Variants in NKD1 observed in about 807,000 individuals in gnomAD.
NKD1 encodes NKD inhibitor of Wnt signaling pathway 1, also known as protein naked cuticle homolog 1.
A neutral mutation model predicts 56.0 loss-of-function variants in NKD1; 21 were observed. The observed-to-expected ratio is 0.38, with a 90% CI of 0.27 to 0.54. NKD1 has a LOEUF of 0.54. Among genes scored for constraint, NKD1 ranks in the 20% least tolerant of loss-of-function variants. The pLI is 0.82. For missense variants in NKD1, 578 were observed against 642.7 expected (o/e 0.90, Z 1.09); for synonymous variants, 263 against 265.7 (o/e 0.99, Z 0.10).
chr16:50,548,752 A>C lies in NKD1; in HGVS notation c.58+3A>C. ...CAAGCGCAGGGAGAGCCCGGAAGGT[A>C]GGGGCGCGCGGGGCGCAGACCTCGG... On this transcript the variant is annotated splice_donor_region_variant and intron_variant, in intron 2 of 9. Transcript: ENST00000268459. 1 of 1,420,184 alleles carries C rather than the reference A, an allele frequency of 7.0e-7. No individual in the cohort carries two copies. Among genetic ancestry groups the C allele is most frequent in the South Asian group, 1.5e-5 (1 of 67,458 alleles). The allele number at this position is 1,420,184 out of a possible 1,614,324, so 88.0% of individuals were successfully genotyped here.
intron 3 of NKD1, among the ~76,000 whole-genome samples, chr16:50,576,204 C>A (rs1311398457): frequency 6.6e-6 from 1 of 152,166 alleles, no homozygotes; most frequent in South Asian, 2.1e-4. Context: ...CCTGAACAGG[C>A]CCTGGTCAGA....
chr16:50,589,248 A>G (rs1961296286), intron 3 of NKD1, among the ~76,000 whole-genome samples: 1 of 152,148 alleles, frequency 6.6e-6, no homozygotes, highest in Non-Finnish European at 1.5e-5. Flanking sequence ...ACTATTTCTC[A>G]TAGAACATTT....
Position 50,568,434 on chromosome 16 carries a change from T to C in NKD1, c.192+18879T>C, listed in dbSNP as rs1312595858. ...CCCAGCCATGTGATTCTGTCATTTCTTGTTGTAAACTGGGGATAACAGCAG... is the reference window on the plus strand; with the variant it reads ...CCCAGCCATGTGATTCTGTCATTTCCTGTTGTAAACTGGGGATAACAGCAG... On this transcript the variant is annotated intron_variant, in intron 3 of 9. Coordinates refer to ENST00000268459, the MANE Select transcript of NKD1 (RefSeq NM_033119.5). Among the ~76,000 whole-genome samples, 3 of 152,242 alleles carry C rather than the reference T, an allele frequency of 2.0e-5. No individual in the cohort carries two copies. In the East Asian group the frequency reaches 5.8e-4, roughly 29 times the overall value.
chr16:50,548,693 C>T, intron 1 of NKD1, 24 bp from the exon 2 acceptor site: 1 of 1,465,632 alleles, frequency 6.8e-7, no homozygotes, highest in Non-Finnish European at 9.0e-7. Flanking sequence ...CCGCCGCCGC[C>T]GCCGCCTCGC....
intron 3 of NKD1, among the ~76,000 whole-genome samples, chr16:50,605,735 C>T (rs1961692796): frequency 6.6e-6 from 1 of 152,184 alleles, no homozygotes; most frequent in Admixed American, 6.5e-5. Context: ...TGAGCATCTA[C>T]AGATTTTGAT....
intron 3 of NKD1, chr16:50,558,565 G>T: frequency 6.6e-6 from 1 of 152,384 alleles, no homozygotes. Flanking sequence ...AGTCTGGTGG[G>T]AGAGCAATGT....
intron 8 of NKD1, among the ~76,000 whole-genome samples, chr16:50,631,322 C>T (rs1962339566): frequency 6.6e-6 from 1 of 152,108 alleles, no homozygotes; most frequent in Non-Finnish European, 1.5e-5. Flanking sequence ...TTTTGGACTT[C>T]AGAATGGTGG....
Position 50,623,144 on chromosome 16 carries a change from A to T in NKD1, c.366+1436A>T, listed in dbSNP as rs1010471043. ...TGAAGTGCCGGCGTGCTGTGTGGAG[A>T]GAGTGAGTGGCGTGATGTGGCCTGT... On this transcript the variant is annotated intron_variant, in intron 5 of 9. Coordinates refer to ENST00000268459, the MANE Select transcript of NKD1 (RefSeq NM_033119.5). The surrounding 1 kb of genome is among the most constrained non-coding windows in gnomAD (Gnocchi z 4.1). 1.3e-5 allele frequency among the ~76,000 whole-genome samples: 2 copies of T among 151,904 alleles called. No homozygotes were observed. Among genetic ancestry groups the T allele is most frequent in the East Asian group, 1.9e-4 (1 of 5,142 alleles).
intron 3 of NKD1, among the ~76,000 whole-genome samples, chr16:50,568,740 A>G (rs1258171985): frequency 6.6e-6 from 1 of 151,962 alleles, no homozygotes; most frequent in Admixed American, 6.6e-5. Flanking sequence ...CTGTACATGG[A>G]AGGGACTGTT....
chr16:50,638,254 A>T lies in NKD1; in HGVS notation c.*4473A>T, dbSNP rs74017757. 960 of 152,214 alleles carry T rather than the reference A, an allele frequency of 6.3e-3. 7 individuals carry two copies. The highest frequency in any genetic ancestry group is 0.022 in the African/African-American group (907 of 41,484). 9.4% of individuals were successfully genotyped at this position (152,214 alleles called of 1,614,324 possible). A position where few individuals can be genotyped will look rare whatever the true frequency, so the allele number is the denominator to read the frequency against. ...AGGGGACCCCTGAGAGGTGCTCAGT[A>T]CCAGCAGGCTGTGAATGCTCTCTAC... On this transcript the variant is annotated 3_prime_UTR_variant, in exon 10 of 10. Coordinates refer to ENST00000268459, the MANE Select transcript of NKD1 (RefSeq NM_033119.5).
chr16:50,633,248 C>A lies in NKD1; in HGVS notation c.880C>A (p.Arg294=). The A allele has an allele frequency of 6.2e-7, 1 of 1,613,968 alleles. No homozygotes were observed. The highest frequency in any genetic ancestry group is 8.5e-7 in the Non-Finnish European group (1 of 1,179,908). ...ELPPRTSNPT[R]SRSHEPEAIH... is the part of the protein sequence containing the mutation. ...GCCCCCCCGCACCTCCAATCCCACT[C>A]GATCTCGCTCCCATGAGCCGGAAGC... The change falls in exon 10 of 10, where the codon CGA becomes AGA. Residue 294 remains arginine, a synonymous_variant. Transcript: ENST00000268459. This position sits in a 1 kb window ranked among gnomAD's most constrained non-coding sequence, Gnocchi z 4.9.
In NKD1 at chr16:50,636,655, TGA is replaced by T. The variant is rs1369575314; in HGVS notation, c.*2878_*2879del. On this transcript the variant is annotated 3_prime_UTR_variant, in exon 10 of 10. Coordinates refer to ENST00000268459, the MANE Select transcript of NKD1 (RefSeq NM_033119.5). ...TTCTCCTTTATAAAGGCAGGGATCA[TGA>T]GAGTGCCTGTCCCTTGTGAGCACTA... 1 of 152,260 alleles carries T rather than the reference TGA, an allele frequency of 6.6e-6. No individual in the cohort carries two copies. The highest frequency in any genetic ancestry group is 1.5e-5 in the Non-Finnish European group (1 of 68,038). 9.4% of individuals were successfully genotyped at this position (152,260 alleles called of 1,614,324 possible).
rs775245370 is a variant in NKD1, at chr16:50,608,349, T to G, written c.248T>G (p.Phe83Cys). 2 of 1,612,602 alleles carry G rather than the reference T, an allele frequency of 1.2e-6. No individual in the cohort carries two copies. Among genetic ancestry groups the G allele is most frequent in the Non-Finnish European group, 1.7e-6 (2 of 1,179,076 alleles). Reference sequence around the variant, plus strand: ...CTCAGCGAGGAAGAGGAGGACGACTTTCGGCTGGAAGGTATTCGGAGTCCA... The same window carrying G: ...CTCAGCGAGGAAGAGGAGGACGACTGTCGGCTGGAAGGTATTCGGAGTCCA... ...DTLSEEEEDDFRLEVALPPEK... is the reference protein window; with the variant it reads ...DTLSEEEEDDCRLEVALPPEK... The change falls in exon 4 of 10, where the codon TTT (phenylalanine) becomes TGT (cysteine). Residue 83 changes from phenylalanine (F) to cysteine (C), a missense_variant. By Grantham distance (205) the Phe-to-Cys change is radical. Coordinates refer to ENST00000268459, the MANE Select transcript of NKD1 (RefSeq NM_033119.5).
At chr16:50,620,502 G>C (rs1024025695) in intron 4 of NKD1, among the ~76,000 whole-genome samples, 3 of 152,178 alleles carry the variant, frequency 2.0e-5, no homozygotes, top group Non-Finnish European at 4.4e-5. Context: ...GGTCAGGGTG[G>C]AGGGGCCAGG....
At chr16:50,562,992 C>CCA (rs1960673681) in intron 3 of NKD1, among the ~76,000 whole-genome samples, 2 of 128,676 alleles carry the variant, frequency 1.6e-5, no homozygotes, top group South Asian at 5.8e-4. Context: ...CACCACCCCC[C>CCA]CCCCCCGCCG....
chr16:50,618,995 A>G (rs1464579385), intron 4 of NKD1, among the ~76,000 whole-genome samples: 2 of 152,162 alleles, frequency 1.3e-5, no homozygotes, highest in Non-Finnish European at 2.9e-5. Context: ...GCAGGGACAG[A>G]GGTTCCTTTT....
Position 50,572,093 on chromosome 16 carries a change from T to G in NKD1, c.192+22538T>G, listed in dbSNP as rs934814420. Among the ~76,000 whole-genome samples, 11 of 152,294 alleles carry G rather than the reference T, an allele frequency of 7.2e-5. 1 individual carries two copies. In the Middle Eastern group the frequency reaches 0.017, roughly 235 times the overall value. On this transcript the variant is annotated intron_variant, in intron 3 of 9. Coordinates refer to ENST00000268459, the MANE Select transcript of NKD1 (RefSeq NM_033119.5). ...CCCAGCTCACCCTCCAGGATGGAGC[T>G]CTCACATGTGCCTTGGAGCAGCTTT...
Position 50,598,474 on chromosome 16 carries a change from C to T in NKD1, c.193-9820C>T, listed in dbSNP as rs1961525108. Among the ~76,000 whole-genome samples the T allele has an allele frequency of 6.6e-6, 1 of 152,208 alleles. No individual in the cohort carries two copies. The stretch of plus-strand genomic sequence containing the variant: ...GGCAGGAGCACACATCCTTTCCCCA[C>T]AGTGAGGTGGCCTATGGCTATGGGG... On this transcript the variant is annotated intron_variant, in intron 3 of 9. Coordinates refer to ENST00000268459, the MANE Select transcript of NKD1 (RefSeq NM_033119.5). This position sits in a 1 kb window ranked among gnomAD's most constrained non-coding sequence, Gnocchi z 4.2.
chr16:50,597,877 G>A (rs971248209), intron 3 of NKD1, among the ~76,000 whole-genome samples: 4 of 152,322 alleles, frequency 2.6e-5, no homozygotes, highest in Admixed American at 1.3e-4. Context: ...GAGTCCTCTG[G>A]AAGCCGCCAG....
Sources: gnomAD v4.1 joint callset for allele counts (sites outside exome capture counted in the v4.1 genomes callset) on GRCh38, gnomAD v4.1.1 for gene constraint, Gnocchi (gnomAD v3.1) non-coding constraint, MANE v1.5 for transcripts, NCBI Gene and HGNC (gene_info 2026-07-23, HGNC 2026-07-21) for gene names.